Variants in CDH11 observed in about 807,000 individuals in gnomAD.
The protein encoded by CDH11 is cadherin 11.
CDH11 carries 11 observed loss-of-function variants against 67.8 expected under a neutral mutation model. The observed-to-expected ratio is 0.16, with a 90% confidence interval of 0.10 to 0.27. The LOEUF (loss-of-function observed/expected upper bound fraction) is 0.27. CDH11 is among the 10% of genes least tolerant of loss of function. The pLI, the probability that CDH11 is intolerant of heterozygous loss-of-function variation, is 1.00. For missense variants in CDH11, 847 were observed against 1,031.2 expected, an observed-to-expected ratio of 0.82 and a Z score of 2.45; for synonymous variants, 419 against 400.0, an observed-to-expected ratio of 1.05 and a Z score of -0.57.
intron 2 of CDH11, among the ~76,000 whole-genome samples, chr16:65,050,011 T>C (rs901605191): frequency 2.0e-5 from 3 of 152,068 alleles, no homozygotes; most frequent in Admixed American, 6.6e-5. Flanking sequence ...TGGGATTCAC[T>C]CCTATGCAAA....
chr16:65,060,439 G>T (rs553756305), intron 1 of CDH11, among the ~76,000 whole-genome samples: 1 of 152,030 alleles, frequency 6.6e-6, no homozygotes, highest in Non-Finnish European at 1.5e-5. Flanking sequence ...CTCCAGGAGA[G>T]TATATTTTAT....
At chr16:65,101,256 A>G (rs1441176742) in intron 1 of CDH11, among the ~76,000 whole-genome samples, 1 of 152,192 alleles carries the variant, frequency 6.6e-6, no homozygotes, top group Non-Finnish European at 1.5e-5. Flanking sequence ...CTTGCCAAGA[A>G]GACACCAACC....
intron 8 of CDH11, among the ~76,000 whole-genome samples, chr16:64,978,286 T>A (rs2072234765): frequency 6.6e-6 from 1 of 152,180 alleles, no homozygotes; most frequent in African/African-American, 2.4e-5. Flanking sequence ...CTCTGTTTAG[T>A]GGAAGGCGCA....
intron 1 of CDH11, among the ~76,000 whole-genome samples, chr16:65,094,174 G>GT (rs1172605102): frequency 2.0e-5 from 3 of 152,192 alleles, no homozygotes; most frequent in African/African-American, 7.2e-5. Context: ...GAAAGTAAAA[G>GT]TAAGGTTGTT....
chr16:64,945,963 G>A lies in CDH11; in HGVS notation c.*1640C>T, dbSNP rs568661891. 2.1e-5 allele frequency: 22 copies of A among 1,057,400 alleles called. No individual in the cohort carries two copies. In the South Asian group the frequency reaches 3.7e-4, roughly 18 times the overall value. The allele number at this position is 1,057,400 out of a possible 1,614,324, so 65.5% of individuals were successfully genotyped here. A position where few individuals can be genotyped will look rare whatever the true frequency, so the allele number is the denominator to read the frequency against. ...GTGGTCTTTCCCCAAGTATTGCTACGTTTTGACCTTTGGCCCAACTGAACA... is the reference window on the plus strand; with the variant it reads ...GTGGTCTTTCCCCAAGTATTGCTACATTTTGACCTTTGGCCCAACTGAACA... On this transcript the variant is annotated 3_prime_UTR_variant, in exon 13 of 13. Transcript: ENST00000268603.
chr16:65,082,498 G>A (rs1029606593), intron 1 of CDH11, among the ~76,000 whole-genome samples: 2 of 152,158 alleles, frequency 1.3e-5, no homozygotes, highest in Non-Finnish European at 2.9e-5. Flanking sequence ...CCACACTGAA[G>A]TCAGGGCTCT....
At position 65,051,904 on chromosome 16, in the gene CDH11, A is replaced by T. The variant is rs149079790; in HGVS notation, c.-173+1900T>A. 1.2e-3 allele frequency among the ~76,000 whole-genome samples: 179 copies of T among 152,284 alleles called. 1 individual carries two copies. Among genetic ancestry groups the T allele is most frequent in the African/African-American group, 3.9e-3 (161 of 41,550 alleles). On this transcript the variant is annotated intron_variant, in intron 2 of 12. Transcript: ENST00000268603. ...CTTTCATTTATAAACTACCAGTCTC[A>T]GGAAGTTCTTTATGGCAGTGTGAAA... is the stretch of plus-strand genomic sequence containing the variant.
At chr16:65,037,206 A>G (rs904067458) in intron 2 of CDH11, among the ~76,000 whole-genome samples, 6 of 152,192 alleles carry the variant, frequency 3.9e-5, no homozygotes, top group South Asian at 4.1e-4. Context: ...GATGCCACTT[A>G]CCAGCTGTGT....
At chr16:64,976,851 AAACCAACCAACCAACCAACC>A (rs143816723) in intron 8 of CDH11, among the ~76,000 whole-genome samples, 23 of 146,974 alleles carry the variant, frequency 1.6e-4, no homozygotes, top group Admixed American at 1.1e-3. Flanking sequence ...CGGTCTCCAA[AAACCAACCAACCAACCAACC>A]AACCAACCAA....
At chr16:65,008,794 T>A (rs114810485) in intron 2 of CDH11, among the ~76,000 whole-genome samples, 5 of 152,170 alleles carry the variant, frequency 3.3e-5, no homozygotes, top group Admixed American at 3.3e-4. Flanking sequence ...AGCAGTTACC[T>A]AGAAGCCAGC....
intron 2 of CDH11, among the ~76,000 whole-genome samples, chr16:65,032,262 A>G (rs2073657818): frequency 6.6e-6 from 1 of 150,958 alleles, no homozygotes; most frequent in African/African-American, 2.4e-5. Context: ...CAAGACAGGC[A>G]GATTGCTTGA....
At chr16:65,099,416 T>C (rs1344322750) in intron 1 of CDH11, among the ~76,000 whole-genome samples, 1 of 152,282 alleles carries the variant, frequency 6.6e-6, no homozygotes, top group East Asian at 1.9e-4. Context: ...AGCTGTGTCC[T>C]TCAGAATATT....
chr16:65,075,440 T>C (rs2074492299), intron 1 of CDH11, among the ~76,000 whole-genome samples: 1 of 152,142 alleles, frequency 6.6e-6, no homozygotes, highest in East Asian at 1.9e-4. Context: ...ACCATGTAAA[T>C]AGGCCTCTTG....
At chr16:65,025,117 T>C (rs1209147556) in intron 2 of CDH11, among the ~76,000 whole-genome samples, 1 of 152,200 alleles carries the variant, frequency 6.6e-6, no homozygotes, top group African/African-American at 2.4e-5. Context: ...GTGAGGTCAC[T>C]GACAACTAAC....
intron 11 of CDH11, among the ~76,000 whole-genome samples, chr16:64,969,451 G>C (rs1044858165): frequency 1.3e-5 from 2 of 152,166 alleles, no homozygotes; most frequent in African/African-American, 4.8e-5. Context: ...ACAAATATTT[G>C]AGAAGCTAGA....
At chr16:65,047,245 C>T (rs1403828242) in intron 2 of CDH11, among the ~76,000 whole-genome samples, 1 of 152,186 alleles carries the variant, frequency 6.6e-6, no homozygotes, top group African/African-American at 2.4e-5. Flanking sequence ...ACACAGAAAA[C>T]TGACAATAGT....
At chr16:65,095,352 C>T (rs182972753) in intron 1 of CDH11, among the ~76,000 whole-genome samples, 5 of 152,230 alleles carry the variant, frequency 3.3e-5, no homozygotes, top group East Asian at 3.9e-4. Context: ...TTAACACTTG[C>T]GGCTTTTGAT....
At chr16:65,018,447 A>G (rs1455272523) in intron 2 of CDH11, among the ~76,000 whole-genome samples, 1 of 152,186 alleles carries the variant, frequency 6.6e-6, no homozygotes, top group Non-Finnish European at 1.5e-5. Context: ...CACTGCACTT[A>G]TGGAAATAAC....
At chr16:65,014,569 A>T (rs1244560654) in intron 2 of CDH11, among the ~76,000 whole-genome samples, 1 of 152,142 alleles carries the variant, frequency 6.6e-6, no homozygotes, top group African/African-American at 2.4e-5. Flanking sequence ...GGCATAGGGG[A>T]TTCTTAAAGT....
Sources: allele counts gnomAD v4.1 joint callset (sites outside exome capture counted in the v4.1 genomes callset), GRCh38; gene constraint gnomAD v4.1.1; transcripts MANE v1.5; gene names NCBI Gene and HGNC (gene_info 2026-07-23, HGNC 2026-07-21).